EEPD1: variants seen among roughly 807,000 people sequenced by gnomAD.
EEPD1 encodes the protein endonuclease/exonuclease/phosphatase family domain-containing protein 1.
EEPD1 carries 17 observed loss-of-function variants against 46.3 expected under a neutral mutation model. The ratio of observed to expected loss-of-function variants is 0.37; its 90% CI spans 0.25 to 0.55. EEPD1 has a LOEUF of 0.55. Ranked by LOEUF, EEPD1 falls within the 20% of genes least tolerant of loss-of-function variation. The pLI is 0.83. For synonymous variants in EEPD1, 313 were observed against 315.6 expected, an observed-to-expected ratio of 0.99 and a Z score of 0.09; for missense variants, 673 against 745.6, an observed-to-expected ratio of 0.90 and a Z score of 1.13.
chr7:36,156,702 A>G (rs1486909152), intron 2 of EEPD1, among the ~76,000 whole-genome samples: 1 of 152,174 alleles, frequency 6.6e-6, no homozygotes, highest in Non-Finnish European at 1.5e-5. Flanking sequence ...AGTGGTTTCT[A>G]AAGTGTGGTC....
intron 2 of EEPD1, among the ~76,000 whole-genome samples, chr7:36,178,915 C>G (rs1470339471): frequency 6.6e-6 from 1 of 152,218 alleles, no homozygotes; most frequent in Non-Finnish European, 1.5e-5. Flanking sequence ...AACCCTTTCT[C>G]TGAGTCTCTG....
At chr7:36,205,985 G>A (rs996631566) in intron 2 of EEPD1, among the ~76,000 whole-genome samples, 2 of 152,196 alleles carry the variant, frequency 1.3e-5, no homozygotes, top group African/African-American at 4.8e-5. Context: ...AGGGCGCTGT[G>A]TCTTCCATTC....
At chr7:36,298,741 A>G (rs1032761760) in intron 7 of EEPD1, among the ~76,000 whole-genome samples, 1 of 152,192 alleles carries the variant, frequency 6.6e-6, no homozygotes, top group African/African-American at 2.4e-5. Flanking sequence ...CCATGTGCCC[A>G]TGTGTGTCTG....
intron 2 of EEPD1, among the ~76,000 whole-genome samples, chr7:36,174,967 C>G (rs373746220): frequency 6.6e-6 from 1 of 152,300 alleles, no homozygotes. Context: ...CACAGTCATG[C>G]AGTGGAAGAC....
chr7:36,288,764 A>T (rs1340499165), intron 6 of EEPD1, among the ~76,000 whole-genome samples: 1 of 108,284 alleles, frequency 9.2e-6, no homozygotes, highest in East Asian at 2.1e-4. Context: ...CCCATCTCTT[A>T]AAAAAAAAAA....
intron 3 of EEPD1, among the ~76,000 whole-genome samples, chr7:36,263,204 C>T (rs555292126): frequency 1.3e-5 from 2 of 151,960 alleles, no homozygotes; most frequent in South Asian, 2.1e-4. Flanking sequence ...TGGCGATGCA[C>T]GTCTGTAGTC....
Position 36,154,064 on chromosome 7 carries a change from C to T in EEPD1, c.-192-69C>T. ...CGACTCCTGGTTACTAACTCTAGCACTAGGTAGGGGGTGCTAATGCAAATT... is the reference window on the plus strand; with the variant it reads ...CGACTCCTGGTTACTAACTCTAGCATTAGGTAGGGGGTGCTAATGCAAATT... On this transcript the variant is annotated intron_variant, in intron 1 of 7. Transcript: ENST00000242108. The surrounding 1 kb of genome is among the most constrained non-coding windows in gnomAD (Gnocchi z 4.2). The T allele has an allele frequency of 1.9e-6, 1 of 521,714 alleles. No individual in the cohort carries two copies. The highest frequency in any genetic ancestry group is 3.4e-6 in the Non-Finnish European group (1 of 293,194). The allele number at this position is 521,714 out of a possible 1,614,324, so 32.3% of individuals were successfully genotyped here. A position where few individuals can be genotyped will look rare whatever the true frequency, so the allele number is the denominator to read the frequency against.
chr7:36,255,313 T>A (rs1010555280), intron 3 of EEPD1, among the ~76,000 whole-genome samples: 17 of 152,198 alleles, frequency 1.1e-4, no homozygotes, highest in African/African-American at 4.1e-4. Flanking sequence ...TTAATTTTTG[T>A]ATAAAGTGCA....
chr7:36,241,470 C>T (rs1022588970), intron 3 of EEPD1, among the ~76,000 whole-genome samples: 10 of 151,220 alleles, frequency 6.6e-5, no homozygotes, highest in Non-Finnish European at 1.3e-4. Context: ...GAGACTCTGT[C>T]TCAAAATAAA....
In EEPD1 at chr7:36,297,125, C is replaced by G; in HGVS notation, c.1448C>G (p.Pro483Arg). 6.2e-7 allele frequency: 1 copy of G among 1,614,220 alleles called. No individual in the cohort carries two copies. The highest frequency in any genetic ancestry group is 8.5e-7 in the Non-Finnish European group (1 of 1,180,032). Residue 483 changes from proline (P) to arginine (R), a missense_variant, in exon 7 of 8, where the codon CCT (proline) becomes CGT (arginine). Pro to Arg is a moderately radical substitution (Grantham distance 103). Coordinates refer to ENST00000242108, the MANE Select transcript of EEPD1 (RefSeq NM_030636.3). Reference sequence around the variant, plus strand: ...TTCACCAACATCAGCACCAAGAACCCTCAAGGCTCGAAGTCTCTGGACAAC... The same window carrying G: ...TTCACCAACATCAGCACCAAGAACCGTCAAGGCTCGAAGTCTCTGGACAAC... ...HTFTNISTKNPQGSKSLDNIW... is the reference protein window; with the variant it reads ...HTFTNISTKNRQGSKSLDNIW...
chr7:36,254,319 C>T (rs1409501204), intron 3 of EEPD1, among the ~76,000 whole-genome samples: 1 of 152,150 alleles, frequency 6.6e-6, no homozygotes, highest in Non-Finnish European at 1.5e-5. Flanking sequence ...TGATGTTCCC[C>T]TCCCTGCGTC....
Position 36,299,173 on chromosome 7 carries a change from G to A in EEPD1, c.1677G>A (p.Glu559=), listed in dbSNP as rs1787577577. ...GGAACGGCAGCGGGGTGGCCTTGGA[G>A]CGAAGTGAAGCCAACATCAAGCACG... ...APRNGSGVAL[E]RSEANIKHER The change falls in exon 8 of 8, where the codon GAG becomes GAA. Residue 559 remains glutamate (E), a synonymous_variant. Transcript: ENST00000242108. The A allele has an allele frequency of 2.5e-6, 4 of 1,614,094 alleles. No homozygotes were observed. The highest frequency in any genetic ancestry group is 1.7e-5 in the Admixed American group (1 of 60,002).
At chr7:36,252,120 T>G (rs1041082284) in intron 3 of EEPD1, among the ~76,000 whole-genome samples, 41 of 152,210 alleles carry the variant, frequency 2.7e-4, no homozygotes, top group Admixed American at 6.5e-5. Context: ...CTTCTTAGTC[T>G]TCTTATTGAT....
chr7:36,240,887 C>T (rs1316033706), intron 3 of EEPD1, among the ~76,000 whole-genome samples: 3 of 152,070 alleles, frequency 2.0e-5, no homozygotes, highest in African/African-American at 7.2e-5. Flanking sequence ...ATCTGGGGAC[C>T]CCTGTTCTTA....
At chr7:36,265,177 C>T (rs17274411) in intron 3 of EEPD1, among the ~76,000 whole-genome samples, 17,203 of 152,236 alleles carry the variant, frequency 0.11, 1,031 homozygotes, top group East Asian at 0.22. Flanking sequence ...CCTGAGGGTC[C>T]ATGAGTCCTA....
At chr7:36,179,755 G>A (rs1785241972) in intron 2 of EEPD1, among the ~76,000 whole-genome samples, 1 of 150,740 alleles carries the variant, frequency 6.6e-6, no homozygotes, top group Non-Finnish European at 1.5e-5. Flanking sequence ...TGCCTGTGAG[G>A]ATAATGATTA....
Position 36,154,663 on chromosome 7 carries a change from C to T in EEPD1, c.339C>T (p.Ser113=), listed in dbSNP as rs780712209. 1.2e-6 allele frequency: 2 copies of T among 1,613,916 alleles called. No individual in the cohort carries two copies. Among genetic ancestry groups the T allele is most frequent in the South Asian group, 1.1e-5 (1 of 91,080 alleles). Residue 113 remains serine (S), a synonymous_variant, in exon 2 of 8, where the codon TCC becomes TCT. Transcript: ENST00000242108. This position sits in a 1 kb window ranked among gnomAD's most constrained non-coding sequence, Gnocchi z 4.2. ...KGSSAQHSPS[S]LRRDLLAEQQ... The stretch of plus-strand genomic sequence containing the variant: ...GCTCAGCGCAGCACTCTCCCAGTTC[C>T]CTGCGGCGGGACCTGCTAGCGGAGC...
chr7:36,297,029 A>G lies in EEPD1; in HGVS notation c.1352A>G (p.Gln451Arg), dbSNP rs986714523. The G allele has an allele frequency of 6.2e-7, 1 of 1,614,244 alleles. No homozygotes were observed. Among genetic ancestry groups the G allele is most frequent in the Non-Finnish European group, 8.5e-7 (1 of 1,180,042 alleles). The change falls in exon 7 of 8, where the codon CAA (glutamine) becomes CGA (arginine). Residue 451 changes from glutamine (Q) to arginine (R), a missense_variant. Physicochemically the swap from Gln to Arg is conservative, Grantham distance 43. Transcript: ENST00000242108. The stretch of plus-strand genomic sequence containing the variant: ...GTCATTATCTTAGGGGATTTTGGCC[A>G]AGGGCCAGACAGCAATGACTATGAT... Reference protein sequence around the residue: ...KDVIILGDFGQGPDSNDYDIL... With the variant: ...KDVIILGDFGRGPDSNDYDIL...
Position 36,155,083 on chromosome 7 carries a change from C to T in EEPD1, c.759C>T (p.Gly253=), listed in dbSNP as rs1784806130. The part of the protein sequence containing the change: ...STRPSVEAFG[G]TRDGRPVLRL... Reference sequence around the variant, plus strand: ...GGCCGTCCGTGGAGGCCTTTGGAGGCACAAGGGATGGGAGGCCTGTGCTGA... The same window carrying T: ...GGCCGTCCGTGGAGGCCTTTGGAGGTACAAGGGATGGGAGGCCTGTGCTGA... The change falls in exon 2 of 8, where the codon GGC becomes GGT. Residue 253 remains glycine, a synonymous_variant. Transcript: ENST00000242108. 1 of 1,587,514 alleles carries T rather than the reference C, an allele frequency of 6.3e-7. No homozygotes were observed. The highest frequency in any genetic ancestry group is 8.6e-7 in the Non-Finnish European group (1 of 1,165,698).
Sources: gnomAD v4.1 joint callset for allele counts (sites outside exome capture counted in the v4.1 genomes callset) on GRCh38, gnomAD v4.1.1 for gene constraint, Gnocchi (gnomAD v3.1) non-coding constraint, MANE v1.5 for transcripts, NCBI Gene and HGNC (gene_info 2026-07-23, HGNC 2026-07-21) for gene names.